MACROD2: variants seen among roughly 807,000 people sequenced by gnomAD.
MACROD2 encodes the protein ADP-ribose glycohydrolase MACROD2.
A neutral mutation model predicts 70.4 loss-of-function variants in MACROD2; 36 were observed. That is an observed-to-expected ratio of 0.51 (90% CI 0.39 to 0.68). The LOEUF is 0.68. Among genes scored for constraint, MACROD2 ranks in the 30% least tolerant of loss-of-function variants. MACROD2 has a pLI of 0.00. For missense variants in MACROD2, 496 were observed against 538.4 expected (o/e 0.92, Z 0.78); for synonymous variants, 172 against 178.8 (o/e 0.96, Z 0.30).
chr20:14,411,812 A>G (rs1241782819), intron 3 of MACROD2, among the ~76,000 whole-genome samples: 3 of 152,086 alleles, frequency 2.0e-5, no homozygotes, highest in Admixed American at 6.6e-5. Context: ...ACTATTTACC[A>G]TAGACTGCGA....
chr20:14,655,698 G>T (rs1568722815), intron 4 of MACROD2, among the ~76,000 whole-genome samples: 2 of 151,832 alleles, frequency 1.3e-5, no homozygotes, highest in African/African-American at 4.8e-5. Context: ...CTCCTTTCAG[G>T]GATGTATGTA....
chr20:14,691,205 C>T (rs2071059879), intron 5 of MACROD2, among the ~76,000 whole-genome samples: 1 of 152,208 alleles, frequency 6.6e-6, no homozygotes, highest in Non-Finnish European at 1.5e-5. Context: ...GTGTGAACCA[C>T]AGCACCTGGC....
chr20:15,232,075 C>CCTTCCTTT (rs1292351126), intron 6 of MACROD2, among the ~76,000 whole-genome samples: 1 of 151,950 alleles, frequency 6.6e-6, no homozygotes, highest in East Asian at 1.9e-4. Flanking sequence ...TCCTTCCCTT[C>CCTTCCTTT]CTTCCTTTCT....
rs371044005 is a variant in MACROD2 at position 15,442,824 on chromosome 20, C to G, written c.571+11389C>G. Among the ~76,000 whole-genome samples the G allele has an allele frequency of 5.9e-5, 9 of 152,260 alleles. No individual in the cohort carries two copies. The East Asian group carries it at 1.5e-3, about 26-fold the overall frequency. Reference sequence around the variant, plus strand: ...CAGTGTCAGCCACCCGTAATGGGTACTTGCTTTGCAAGAATATTTGGTAAT... The same window carrying G: ...CAGTGTCAGCCACCCGTAATGGGTAGTTGCTTTGCAAGAATATTTGGTAAT... On this transcript the variant is annotated intron_variant, in intron 7 of 17. Transcript: ENST00000684519.
At chr20:14,295,887 C>G (rs2082423303) in intron 3 of MACROD2, among the ~76,000 whole-genome samples, 1 of 151,818 alleles carries the variant, frequency 6.6e-6, no homozygotes. Flanking sequence ...ATTGTAGAAA[C>G]TCATTAGGTA....
intron 6 of MACROD2, among the ~76,000 whole-genome samples, chr20:15,287,701 T>C (rs1039280282): frequency 1.4e-4 from 21 of 152,234 alleles, no homozygotes; most frequent in African/African-American, 5.1e-4. Context: ...TTTGTCTTAC[T>C]TGCTCGCTCT....
At chr20:14,929,839 A>C (rs1197003604) in intron 5 of MACROD2, among the ~76,000 whole-genome samples, 1 of 152,012 alleles carries the variant, frequency 6.6e-6, no homozygotes, top group Non-Finnish European at 1.5e-5. Context: ...TGAACAGAAA[A>C]ATTCTCCTGT....
intron 8 of MACROD2, among the ~76,000 whole-genome samples, chr20:15,752,306 T>TTATTAG (rs2051285055): frequency 6.6e-6 from 1 of 152,030 alleles, no homozygotes; most frequent in Non-Finnish European, 1.5e-5. Context: ...ATTATTATTA[T>TTATTAG]TATTATTATT....
intron 6 of MACROD2, among the ~76,000 whole-genome samples, chr20:15,257,503 T>G (rs577757596): frequency 5.9e-5 from 9 of 152,170 alleles, no homozygotes; most frequent in African/African-American, 2.2e-4. Context: ...ACAAGTTAAT[T>G]AAACAATATG....
intron 5 of MACROD2, among the ~76,000 whole-genome samples, chr20:14,964,634 A>C (rs540606029): frequency 6.6e-6 from 1 of 152,292 alleles, no homozygotes; most frequent in Admixed American, 6.5e-5. Context: ...GCATCCCTGG[A>C]TTCCAAATAC....
intron 15 of MACROD2, among the ~76,000 whole-genome samples, chr20:16,030,185 C>G (rs556740606): frequency 1.3e-5 from 2 of 152,218 alleles, no homozygotes; most frequent in African/African-American, 4.8e-5. Context: ...AAGTCCAAGC[C>G]CCAAAGATAT....
chr20:14,499,587 G>A (rs551401300), intron 4 of MACROD2, among the ~76,000 whole-genome samples: 16 of 152,158 alleles, frequency 1.1e-4, no homozygotes, highest in East Asian at 3.9e-4. Flanking sequence ...CACTGTGGGC[G>A]GATAAGCCTG....
intron 5 of MACROD2, among the ~76,000 whole-genome samples, chr20:15,191,461 G>A (rs1024425783): frequency 6.6e-6 from 1 of 152,058 alleles, no homozygotes; most frequent in African/African-American, 2.4e-5. Flanking sequence ...GGGCCAAAGG[G>A]TGTGGCGTGG....
intron 5 of MACROD2, among the ~76,000 whole-genome samples, chr20:14,777,326 A>G (rs2072246407): frequency 6.6e-6 from 1 of 151,950 alleles, no homozygotes; most frequent in Non-Finnish European, 1.5e-5. Flanking sequence ...TTATTTTTAA[A>G]GCATCCACCT....
At chr20:15,176,936 A>G (rs942297146) in intron 5 of MACROD2, among the ~76,000 whole-genome samples, 2 of 152,136 alleles carry the variant, frequency 1.3e-5, no homozygotes, top group South Asian at 2.1e-4. Flanking sequence ...CCTCATCTAG[A>G]CATGGGTACA....
intron 5 of MACROD2, among the ~76,000 whole-genome samples, chr20:15,227,646 A>G (rs745319450): frequency 1.3e-5 from 2 of 152,146 alleles, no homozygotes; most frequent in African/African-American, 2.4e-5. Context: ...CCCAAAGGTG[A>G]AATTGTGGAA....
At chr20:15,813,622 A>T (rs55755745) in intron 8 of MACROD2, among the ~76,000 whole-genome samples, 31,122 of 152,028 alleles carry the variant, frequency 0.2, 3,841 homozygotes, top group African/African-American at 0.34. Context: ...TATAAAAAAT[A>T]TTAAAAATTA....
chr20:13,999,861 G>A (rs1325670983), intron 1 of MACROD2, among the ~76,000 whole-genome samples: 1 of 152,128 alleles, frequency 6.6e-6, no homozygotes, highest in Non-Finnish European at 1.5e-5. Context: ...CCTTCCTGTA[G>A]CAGTCTGTGG....
chr20:14,368,052 C>T (rs1013908924), intron 3 of MACROD2, among the ~76,000 whole-genome samples: 1 of 151,940 alleles, frequency 6.6e-6, no homozygotes, highest in African/African-American at 2.4e-5. Context: ...TTTATAATTT[C>T]TTTATCTTTA....
Sources: gnomAD v4.1 joint callset for allele counts (sites outside exome capture counted in the v4.1 genomes callset) on GRCh38, gnomAD v4.1.1 for gene constraint, MANE v1.5 for transcripts, NCBI Gene and HGNC (gene_info 2026-07-23, HGNC 2026-07-21) for gene names.